Variants in CNOT6L observed in about 807,000 individuals in gnomAD.
The protein encoded by CNOT6L is CCR4-NOT transcription complex subunit 6 like.
CNOT6L carries 7 observed loss-of-function variants against 64.0 expected under a neutral mutation model. The ratio of observed to expected loss-of-function variants is 0.11; its 90% confidence interval spans 0.06 to 0.21. The LOEUF (loss-of-function observed/expected upper bound fraction) is 0.21, where lower values mean the gene tolerates loss of function less well. Ranked by LOEUF, CNOT6L falls within the 10% of genes least tolerant of loss-of-function variation. The pLI, the probability that CNOT6L is intolerant of heterozygous loss-of-function variation, is 1.00. For missense variants in CNOT6L, 245 were observed against 669.0 expected, an observed-to-expected ratio of 0.37 and a Z score of 6.99; for synonymous variants, 193 against 243.4, an observed-to-expected ratio of 0.79 and a Z score of 1.93.
Position 77,776,764 on chromosome 4 carries a change from G to T in CNOT6L, c.6-372C>A, listed in dbSNP as rs148577661. Among the ~76,000 whole-genome samples the T allele has an allele frequency of 5.3e-3, 805 of 152,274 alleles. 7 individuals are homozygous for T. The highest frequency in any genetic ancestry group is 0.018 in the African/African-American group (758 of 41,556). ...GTAATTCTATCCTCCTTTCCTCAGT[G>T]ATATTCAGATATCCCATGCCTAAGA... On this transcript the variant is annotated intron_variant, in intron 1 of 11. Coordinates refer to ENST00000504123, the MANE Select transcript of CNOT6L (RefSeq NM_144571.3).
chr4:77,750,556 T>C (rs1724747248), intron 5 of CNOT6L, among the ~76,000 whole-genome samples: 1 of 152,150 alleles, frequency 6.6e-6, no homozygotes, highest in Admixed American at 6.5e-5. Context: ...GGTTTCACCA[T>C]GTTAGCCAGG....
intron 11 of CNOT6L, among the ~76,000 whole-genome samples, chr4:77,724,173 C>CA (rs961220330): frequency 4.0e-5 from 6 of 150,726 alleles, no homozygotes; most frequent in East Asian, 3.9e-4. Flanking sequence ...CTGTCTCTAC[C>CA]AAAAAAAACC....
chr4:77,790,552 G>A (rs11723029), intron 1 of CNOT6L, among the ~76,000 whole-genome samples: 129,574 of 152,152 alleles, frequency 0.85, 55,389 homozygotes, highest in Non-Finnish European at 0.89. Context: ...CCATTGCTCC[G>A]CATCCTCCTT....
chr4:77,748,416 T>C, intron 5 of CNOT6L, 32 bp from the exon 6 acceptor site: 1 of 1,368,044 alleles, frequency 7.3e-7, no homozygotes, highest in Non-Finnish European at 1.0e-6. Flanking sequence ...TAGGTTAATT[T>C]CATGTGTTTC....
chr4:77,734,209 G>A (rs1577927470), intron 8 of CNOT6L, among the ~76,000 whole-genome samples: 1 of 151,968 alleles, frequency 6.6e-6, no homozygotes, highest in Non-Finnish European at 1.5e-5. Flanking sequence ...TGCATTTATA[G>A]GTACTTCAAA....
intron 8 of CNOT6L, among the ~76,000 whole-genome samples, chr4:77,740,661 G>T (rs1348248795): frequency 6.6e-6 from 1 of 152,068 alleles, no homozygotes; most frequent in Non-Finnish European, 1.5e-5. Flanking sequence ...ATTCGAAAAG[G>T]CTGACAGATG....
intron 1 of CNOT6L, among the ~76,000 whole-genome samples, chr4:77,777,266 T>C (rs1392749331): frequency 1.3e-5 from 2 of 152,238 alleles, no homozygotes; most frequent in African/African-American, 4.8e-5. Flanking sequence ...ATGAGTTACA[T>C]GGCCACCCTA....
At chr4:77,796,938 A>C (rs1471163715) in intron 1 of CNOT6L, among the ~76,000 whole-genome samples, 1 of 151,788 alleles carries the variant, frequency 6.6e-6, no homozygotes, top group Non-Finnish European at 1.5e-5. Context: ...CAAAAAAATT[A>C]GCTGGGCATG....
intron 1 of CNOT6L, among the ~76,000 whole-genome samples, chr4:77,788,650 C>T (rs1466603546): frequency 6.6e-6 from 1 of 152,112 alleles, no homozygotes; most frequent in Non-Finnish European, 1.5e-5. Flanking sequence ...ATTGCTTGAA[C>T]CTGGGAGGCA....
At chr4:77,804,099 G>A (rs112821913) in intron 1 of CNOT6L, among the ~76,000 whole-genome samples, 2 of 152,100 alleles carry the variant, frequency 1.3e-5, no homozygotes, top group African/African-American at 4.8e-5. Context: ...TAATAACCAA[G>A]TATGTATAAT....
chr4:77,742,348 A>C lies in CNOT6L; in HGVS notation c.718-53T>G. 3 of 1,483,900 alleles carry C rather than the reference A, an allele frequency of 2.0e-6. No homozygotes were observed. The South Asian group carries it at 3.6e-5, about 18-fold the overall frequency. The allele number at this position is 1,483,900 out of a possible 1,614,324, so 91.9% of individuals were successfully genotyped here. ...TATGACAGAGGGAAAATGCTGATTA[A>C]GATATAAAAATGTTCAGCATTATGA... On this transcript the variant is annotated intron_variant, in intron 7 of 11. Coordinates refer to ENST00000504123, the MANE Select transcript of CNOT6L (RefSeq NM_144571.3).
At chr4:77,759,998 A>AG (rs1477409437) in intron 4 of CNOT6L, among the ~76,000 whole-genome samples, 4 of 152,238 alleles carry the variant, frequency 2.6e-5, no homozygotes, top group Non-Finnish European at 5.9e-5. Flanking sequence ...ATACCCAGAA[A>AG]GTTCCCAAAT....
intron 8 of CNOT6L, among the ~76,000 whole-genome samples, chr4:77,734,682 T>TTCA (rs1722767696): frequency 6.6e-6 from 1 of 152,162 alleles, no homozygotes; most frequent in Non-Finnish European, 1.5e-5. Context: ...AGTTCACCTA[T>TTCA]TCGGATATTA....
intron 4 of CNOT6L, among the ~76,000 whole-genome samples, chr4:77,768,470 A>T (rs1354562574): frequency 1.5e-5 from 2 of 134,406 alleles, no homozygotes; most frequent in African/African-American, 3.0e-5. Context: ...GTCTAAAATA[A>T]ATAAATATAT....
intron 11 of CNOT6L, among the ~76,000 whole-genome samples, chr4:77,724,427 C>G (rs1321595323): frequency 6.6e-6 from 1 of 151,512 alleles, no homozygotes; most frequent in Admixed American, 6.6e-5. Flanking sequence ...TGGCCTGAAC[C>G]CAGGAGTTTG....
At chr4:77,754,915 C>CAAAAAAAAA (rs1725338932) in intron 5 of CNOT6L, among the ~76,000 whole-genome samples, 1 of 20,504 alleles carries the variant, frequency 4.9e-5, no homozygotes, top group Non-Finnish European at 1.6e-4. Context: ...AAAAAAAAAC[C>CAAAAAAAAA]GGTTTCTAGA....
intron 4 of CNOT6L, among the ~76,000 whole-genome samples, chr4:77,764,832 A>C (rs1726649615): frequency 6.6e-6 from 1 of 152,206 alleles, no homozygotes. Flanking sequence ...AGCATGAAGA[A>C]GTTACAGAAG....
At chr4:77,779,881 A>G (rs1295643674) in intron 1 of CNOT6L, among the ~76,000 whole-genome samples, 3 of 152,010 alleles carry the variant, frequency 2.0e-5, no homozygotes, top group African/African-American at 7.2e-5. Flanking sequence ...GGAGAATGGC[A>G]TGAACCCGGG....
chr4:77,759,580 A>G (rs1294803925), intron 4 of CNOT6L, among the ~76,000 whole-genome samples: 2 of 151,786 alleles, frequency 1.3e-5, no homozygotes, highest in African/African-American at 4.8e-5. Flanking sequence ...AAGAAGAAAA[A>G]AAAAAACAAC....
Sources: gnomAD v4.1 joint callset for allele counts (sites outside exome capture counted in the v4.1 genomes callset) on GRCh38, gnomAD v4.1.1 for gene constraint, MANE v1.5 for transcripts, NCBI Gene and HGNC (gene_info 2026-07-23, HGNC 2026-07-21) for gene names.